UCHL5: variants seen among roughly 807,000 people sequenced by gnomAD.
UCHL5 encodes the protein ubiquitin carboxyl-terminal hydrolase isozyme L5.
A neutral mutation model predicts 53.8 loss-of-function variants in UCHL5; 34 were observed. The observed-to-expected ratio is 0.63, with a 90% CI of 0.48 to 0.84. The LOEUF (loss-of-function observed/expected upper bound fraction) is 0.84, where lower values mean the gene tolerates loss of function less well. UCHL5 is among the 40% of genes least tolerant of loss of function. The pLI is 0.00. For missense variants in UCHL5, 290 were observed against 385.6 expected, an observed-to-expected ratio of 0.75 and a Z score of 2.08; for synonymous variants, 111 against 126.3, an observed-to-expected ratio of 0.88 and a Z score of 0.81.
chr1:193,039,462 C>A (rs1664783933), intron 3 of UCHL5, among the ~76,000 whole-genome samples: 3 of 151,806 alleles, frequency 2.0e-5, no homozygotes, highest in East Asian at 1.9e-4. Context: ...CAAAGAAGTG[C>A]AAGATCTATA....
At chr1:193,060,041 T>C (rs746138673), upstream of UCHL5, 13 of 1,343,784 alleles carry the variant, frequency 9.7e-6, no homozygotes, top group African/African-American at 5.9e-5. Context: ...CGCTCCTGCT[T>C]GTCGGCATCG....
At chr1:193,033,190 T>C (rs1231017653) in intron 3 of UCHL5, among the ~76,000 whole-genome samples, 2 of 152,130 alleles carry the variant, frequency 1.3e-5, no homozygotes, top group African/African-American at 4.8e-5. Flanking sequence ...TGGAATACTA[T>C]GTGGCCATAA....
intron 6 of UCHL5, 89 bp downstream of exon 6, chr1:193,029,090 T>C (rs1660412263): frequency 6.7e-7 from 1 of 1,494,168 alleles, no homozygotes; most frequent in East Asian, 2.3e-5. Flanking sequence ...ACTTTTACCT[T>C]GAAAATTTAA....
chr1:193,043,807 C>T (rs1666507910), intron 3 of UCHL5, among the ~76,000 whole-genome samples: 1 of 152,180 alleles, frequency 6.6e-6, no homozygotes, highest in African/African-American at 2.4e-5. Context: ...CATATTGTCA[C>T]ATAGCATTGC....
intron 3 of UCHL5, among the ~76,000 whole-genome samples, chr1:193,032,866 G>C (rs999421149): frequency 2.0e-5 from 3 of 152,174 alleles, no homozygotes; most frequent in Admixed American, 6.5e-5. Context: ...TCATTAAAAA[G>C]TCAGGAAACA....
intron 3 of UCHL5, among the ~76,000 whole-genome samples, chr1:193,049,184 G>A (rs557177432): frequency 5.8e-4 from 88 of 152,256 alleles, no homozygotes; most frequent in African/African-American, 1.8e-3. Context: ...AGGCCAAGGC[G>A]GGTGTATCAC....
intron 10 of UCHL5, among the ~76,000 whole-genome samples, chr1:193,016,644 GAATT>G (rs1298735307): frequency 6.6e-6 from 1 of 151,692 alleles, no homozygotes; most frequent in African/African-American, 2.4e-5. Context: ...AAGGTGAAAT[GAATT>G]ATTATAATTG....
upstream of UCHL5, chr1:193,059,454 A>G: frequency 1.2e-6 from 2 of 1,609,530 alleles, no homozygotes; most frequent in Non-Finnish European, 1.7e-6. The surrounding 1 kb of genome is among the most constrained non-coding windows in gnomAD (Gnocchi z 4.9). Flanking sequence ...TAGCCACCCT[A>G]GAGACATCGA....
intron 10 of UCHL5, 97 bp from the exon 11 acceptor site, chr1:193,016,492 G>A (rs2102228747): frequency 3.6e-6 from 4 of 1,109,750 alleles, no homozygotes; most frequent in East Asian, 2.6e-5. Flanking sequence ...AAGCTGAAAG[G>A]CTTGAAATAC....
rs1181557061 is a variant in UCHL5 at position 193,013,801 on chromosome 1, C to A, written c.*2550G>T. The A allele has an allele frequency of 6.6e-6, 1 of 152,158 alleles. No homozygotes were observed. The highest frequency in any genetic ancestry group is 1.9e-4 in the East Asian group (1 of 5,206). The allele number at this position is 152,158 out of a possible 1,614,324, so 9.4% of individuals were successfully genotyped here. A position where few individuals can be genotyped will look rare whatever the true frequency, so the allele number is the denominator to read the frequency against. On this transcript the variant is annotated 3_prime_UTR_variant, in exon 11 of 11. Coordinates refer to ENST00000367454, the MANE Select transcript of UCHL5 (RefSeq NM_001199261.3). Reference sequence around the variant, plus strand: ...ACACAAATATGTACCATGGTCCTAACTGGGGGAGCAAGTCCCCGTGGTTGT... The same window carrying A: ...ACACAAATATGTACCATGGTCCTAAATGGGGGAGCAAGTCCCCGTGGTTGT...
intron 3 of UCHL5, among the ~76,000 whole-genome samples, chr1:193,037,523 C>A (rs1408233268): frequency 2.6e-5 from 4 of 151,974 alleles, no homozygotes; most frequent in Non-Finnish European, 5.9e-5. Flanking sequence ...GATGTGACAA[C>A]TTCATTACTA....
In UCHL5 at chr1:193,041,031, C is replaced by T. The variant is rs140400805; in HGVS notation, c.246+8715G>A. On this transcript the variant is annotated intron_variant, in intron 3 of 10. Coordinates refer to ENST00000367454, the MANE Select transcript of UCHL5 (RefSeq NM_001199261.3). ...ATGAAGGGAGTTTCATTAATAGGTA[C>T]AAATATACAGTTTAACAGAAGAAAG... Among the ~76,000 whole-genome samples, 28 of 152,188 alleles carry T rather than the reference C, an allele frequency of 1.8e-4. No homozygotes were observed. The East Asian group carries it at 5.2e-3, about 28-fold the overall frequency.
At chr1:193,020,062 A>G (rs1656379007) in intron 10 of UCHL5, 3 of 984,834 alleles carry the variant, frequency 3.0e-6, no homozygotes, top group South Asian at 4.7e-5. Context: ...CCCATCTTAG[A>G]ATACACCCTG....
intron 6 of UCHL5, among the ~76,000 whole-genome samples, chr1:193,028,631 C>T (rs1660231497): frequency 6.6e-6 from 1 of 151,980 alleles, no homozygotes; most frequent in Admixed American, 6.6e-5. Flanking sequence ...CAGATTGTAC[C>T]TTCAACTTTG....
chr1:193,049,933 T>TAG, intron 2 of UCHL5, 82 bp from the exon 3 acceptor site: 1 of 1,185,380 alleles, frequency 8.4e-7, no homozygotes, highest in South Asian at 1.8e-5. Flanking sequence ...TTTAGTCAGT[T>TAG]ATCTAACAAA....
intron 10 of UCHL5, chr1:193,019,805 T>G (rs1454838272): frequency 3.3e-6 from 3 of 913,486 alleles, no homozygotes; most frequent in Non-Finnish European, 3.9e-6. Context: ...AAAAATTCTG[T>G]TCACAGATCA....
chr1:193,032,848 A>T (rs1264568838), intron 3 of UCHL5, among the ~76,000 whole-genome samples: 3 of 152,244 alleles, frequency 2.0e-5, no homozygotes, highest in Admixed American at 6.5e-5. Flanking sequence ...CGCCAGTTAG[A>T]ATGGCGATCA....
chr1:193,042,405 A>G (rs1665893583), intron 3 of UCHL5, among the ~76,000 whole-genome samples: 1 of 152,162 alleles, frequency 6.6e-6, no homozygotes, highest in South Asian at 2.1e-4. Flanking sequence ...CCATGAATAA[A>G]CCAATCATAT....
intron 3 of UCHL5, among the ~76,000 whole-genome samples, chr1:193,043,700 A>G (rs1666467266): frequency 6.6e-6 from 1 of 152,226 alleles, no homozygotes; most frequent in South Asian, 2.1e-4. Context: ...ACTAAGGTCC[A>G]GCCACATGGG....
Sources: allele counts gnomAD v4.1 joint callset (sites outside exome capture counted in the v4.1 genomes callset), GRCh38; gene constraint gnomAD v4.1.1; non-coding constraint Gnocchi (gnomAD v3.1); transcripts MANE v1.5; gene names NCBI Gene and HGNC (gene_info 2026-07-23, HGNC 2026-07-21).